KDM4C: variants seen among roughly 807,000 people sequenced by gnomAD.
KDM4C encodes lysine demethylase 4C, also known as lysine-specific demethylase 4C.
A neutral mutation model predicts 129.3 loss-of-function variants in KDM4C; 81 were observed. That is an observed-to-expected ratio of 0.63 (90% CI 0.52 to 0.75). KDM4C has a LOEUF of 0.75. Among genes scored for constraint, KDM4C ranks in the 30% least tolerant of loss-of-function variants. The pLI is 0.00. For missense variants in KDM4C, 1,457 were observed against 1,304.0 expected (o/e 1.12, Z -1.81); for synonymous variants, 573 against 456.1 (o/e 1.26, Z -3.26).
intron 8 of KDM4C, among the ~76,000 whole-genome samples, chr9:6,961,904 G>T (rs1830115092): frequency 6.6e-6 from 1 of 152,112 alleles, no homozygotes; most frequent in Non-Finnish European, 1.5e-5. Flanking sequence ...TGCAGTTTCT[G>T]TGTACTACTG....
chr9:6,933,348 A>G (rs1450319006), intron 8 of KDM4C, among the ~76,000 whole-genome samples: 1 of 152,238 alleles, frequency 6.6e-6, no homozygotes, highest in Non-Finnish European at 1.5e-5. Flanking sequence ...TTACTTGCCT[A>G]TCTGAGATAG....
chr9:6,722,942 G>C (rs7028933), intron 1 of KDM4C, among the ~76,000 whole-genome samples: 1 of 151,674 alleles, frequency 6.6e-6, no homozygotes. Flanking sequence ...GAAATCGCAC[G>C]ACTGCACTCT....
intron 5 of KDM4C, among the ~76,000 whole-genome samples, chr9:6,851,179 G>A (rs1266033222): frequency 6.6e-6 from 1 of 152,150 alleles, no homozygotes; most frequent in Non-Finnish European, 1.5e-5. Context: ...GAGTCTTAGT[G>A]TGTTGTCCAG....
At chr9:7,116,581 G>A (rs1051956142) in intron 18 of KDM4C, among the ~76,000 whole-genome samples, 8 of 152,146 alleles carry the variant, frequency 5.3e-5, no homozygotes, top group Non-Finnish European at 1.0e-4. Context: ...GGTCCACTCA[G>A]TTAACACTAG....
chr9:7,081,251 T>C (rs1017847486), intron 17 of KDM4C, among the ~76,000 whole-genome samples: 4 of 152,146 alleles, frequency 2.6e-5, no homozygotes, highest in African/African-American at 7.2e-5. Context: ...CACGTAGATA[T>C]GGGGTGGACT....
intron 5 of KDM4C, among the ~76,000 whole-genome samples, chr9:6,873,008 C>T (rs913765319): frequency 1.3e-5 from 2 of 152,026 alleles, no homozygotes; most frequent in Non-Finnish European, 2.9e-5. Context: ...CTCATTGCAA[C>T]CTCCGCCTCC....
At chr9:7,167,658 G>A (rs553892294) in intron 20 of KDM4C, among the ~76,000 whole-genome samples, 2 of 152,190 alleles carry the variant, frequency 1.3e-5, no homozygotes, top group African/African-American at 4.8e-5. Context: ...CTAACAGTAC[G>A]TGGATAATAA....
chr9:7,068,682 C>CTCTCTTTTTTTTTTTTTTTTTTTTTTTT lies in KDM4C; in HGVS notation c.2424+19483_2424+19484insCTCTTTTTTTTTTTTTTTTTTTTTTTTT. Among the ~76,000 whole-genome samples the CTCTCTTTTTTTTTTTTTTTTTTTTTTTT allele has an allele frequency of 9.0e-5, 8 of 88,534 alleles. 3 individuals are homozygous for CTCTCTTTTTTTTTTTTTTTTTTTTTTTT. The highest frequency in any genetic ancestry group is 1.3e-4 in the African/African-American group (3 of 22,402). The allele number at this position is 88,534 out of a possible 152,430, so 58.1% of individuals were successfully genotyped here. On this transcript the variant is annotated intron_variant, in intron 17 of 21. Coordinates refer to ENST00000381309, the MANE Select transcript of KDM4C (RefSeq NM_015061.6). ...CTATTTCATACATGTTTATGATGCC[C>CTCTCTTTTTTTTTTTTTTTTTTTTTTTT]TTTCTTTTTTTTTTTTTTTTTTTTT... is the stretch of plus-strand genomic sequence containing the variant.
rs977085523 is a variant in KDM4C at position 6,870,803 on chromosome 9, A to G, written c.630-9209A>G. Reference sequence around the variant, plus strand: ...AAGCAGAAACATAAATAAGGGAGGAAATGACTACTTCACACGGCCTTAGTT... The same window carrying G: ...AAGCAGAAACATAAATAAGGGAGGAGATGACTACTTCACACGGCCTTAGTT... On this transcript the variant is annotated intron_variant, in intron 5 of 21. Transcript: ENST00000381309. 2.0e-5 allele frequency among the ~76,000 whole-genome samples: 3 copies of G among 149,000 alleles called. No individual in the cohort carries two copies. In the Admixed American group the frequency reaches 2.0e-4, roughly 10 times the overall value.
chr9:6,876,593 A>G (rs1843596521), intron 5 of KDM4C, among the ~76,000 whole-genome samples: 1 of 152,128 alleles, frequency 6.6e-6, no homozygotes, highest in African/African-American at 2.4e-5. Context: ...TTCTCATGGC[A>G]TGCTTTGAAA....
At chr9:7,028,393 C>T (rs934722169) in intron 15 of KDM4C, among the ~76,000 whole-genome samples, 10 of 151,774 alleles carry the variant, frequency 6.6e-5, no homozygotes, top group Admixed American at 6.6e-4. Context: ...AGGAGCTAGG[C>T]CCTGCAATGG....
intron 1 of KDM4C, among the ~76,000 whole-genome samples, chr9:6,745,487 C>T (rs866924398): frequency 1.4e-5 from 2 of 147,664 alleles, no homozygotes; most frequent in Non-Finnish European, 3.0e-5. Context: ...GTCCCAGCTA[C>T]TTGGGAGGCT....
Position 6,729,125 on chromosome 9 carries a change from A to AAAAAAAAAAGG in KDM4C, c.49+8128_49+8129insAAAAAAAAAGG, listed in dbSNP as rs1554663580. ...GAGGCTGAGGCAGAGAATTGCTTGAACCCGGGAAGCAGAGGTTGCAGTGAG... is the reference window on the plus strand; with the variant it reads ...GAGGCTGAGGCAGAGAATTGCTTGAAAAAAAAAAAGGCCCGGGAAGCAGAGGTTGCAGTGAG... On this transcript the variant is annotated intron_variant, in intron 1 of 17. Transcript: ENST00000536108. 2.6e-3 allele frequency among the ~76,000 whole-genome samples: 320 copies of AAAAAAAAAAGG among 121,638 alleles called. 1 individual carries two copies. The highest frequency in any genetic ancestry group is 5.0e-3 in the South Asian group (17 of 3,376). 79.8% of individuals were successfully genotyped at this position (121,638 alleles called of 152,430 possible). A position where few individuals can be genotyped will look rare whatever the true frequency, so the allele number is the denominator to read the frequency against.
intron 5 of KDM4C, among the ~76,000 whole-genome samples, chr9:6,879,384 T>A (rs1267012968): frequency 6.6e-6 from 1 of 152,138 alleles, no homozygotes; most frequent in Non-Finnish European, 1.5e-5. Context: ...GGGTGAAAAT[T>A]TTTTGCTGTA....
intron 1 of KDM4C, among the ~76,000 whole-genome samples, chr9:6,730,586 G>C (rs1294606177): frequency 2.0e-5 from 3 of 151,134 alleles, no homozygotes; most frequent in South Asian, 2.1e-4. Context: ...CTGCACTCCA[G>C]CCTGGGCGAC....
chr9:7,050,983 T>A (rs1428714708), intron 17 of KDM4C, among the ~76,000 whole-genome samples: 38 of 152,154 alleles, frequency 2.5e-4, no homozygotes, highest in Admixed American at 2.5e-3. Context: ...CCTTAAGCAG[T>A]CGGTACCTTT....
At chr9:6,776,199 C>A (rs1187827349) in intron 1 of KDM4C, among the ~76,000 whole-genome samples, 1 of 152,190 alleles carries the variant, frequency 6.6e-6, no homozygotes, top group Non-Finnish European at 1.5e-5. Flanking sequence ...ATTCTCCTGC[C>A]TCAGCCTTTT....
chr9:7,153,616 T>C (rs867870894), intron 19 of KDM4C, among the ~76,000 whole-genome samples: 4 of 152,164 alleles, frequency 2.6e-5, no homozygotes, highest in African/African-American at 9.7e-5. Context: ...TTATATTCCA[T>C]TGTTAAGTGA....
chr9:6,746,337 C>T (rs1588058691), intron 1 of KDM4C, among the ~76,000 whole-genome samples: 1 of 141,884 alleles, frequency 7.0e-6, no homozygotes, highest in Non-Finnish European at 1.5e-5. Context: ...GGAGCAATCT[C>T]GGCTCACTGC....
Sources: allele counts gnomAD v4.1 joint callset (sites outside exome capture counted in the v4.1 genomes callset), GRCh38; gene constraint gnomAD v4.1.1; transcripts MANE v1.5; gene names NCBI Gene and HGNC (gene_info 2026-07-23, HGNC 2026-07-21).